Variants in SDCCAG8 observed in about 807,000 individuals in gnomAD.
SDCCAG8 encodes serologically defined colon cancer antigen 8.
A neutral mutation model predicts 101.8 loss-of-function variants in SDCCAG8; 74 were observed. The ratio of observed to expected loss-of-function variants is 0.73; its 90% CI spans 0.60 to 0.88. The LOEUF (loss-of-function observed/expected upper bound fraction) is 0.88. Ranked by LOEUF, SDCCAG8 falls within the 40% of genes least tolerant of loss-of-function variation. The probability of loss-of-function intolerance (pLI) is 0.00; values close to 1 mark genes in which losing one functional copy is unlikely to be tolerated. For missense variants in SDCCAG8, 787 were observed against 822.6 expected, an observed-to-expected ratio of 0.96 and a Z score of 0.53; for synonymous variants, 281 against 292.9, an observed-to-expected ratio of 0.96 and a Z score of 0.41.
intron 13 of SDCCAG8, among the ~76,000 whole-genome samples, chr1:243,390,037 T>A (rs1378266588): frequency 6.6e-6 from 1 of 152,204 alleles, no homozygotes; most frequent in Non-Finnish European, 1.5e-5. Context: ...GGGGAACTCA[T>A]CTTAAGATAA....
intron 16 of SDCCAG8, among the ~76,000 whole-genome samples, chr1:243,485,056 A>AAGAG (rs10650429): frequency 7.1e-6 from 1 of 140,504 alleles, no homozygotes. Context: ...AAAAAAAAAA[A>AAGAG]GAAGAAGAAG....
chr1:243,443,536 A>T (rs937224277), intron 16 of SDCCAG8, among the ~76,000 whole-genome samples: 1 of 152,196 alleles, frequency 6.6e-6, no homozygotes, highest in Non-Finnish European at 1.5e-5. Flanking sequence ...CCCAGCAGGT[A>T]ACCTCGCAAG....
chr1:243,486,422 A>C (rs974744385), intron 16 of SDCCAG8, among the ~76,000 whole-genome samples: 2 of 152,034 alleles, frequency 1.3e-5, no homozygotes, highest in African/African-American at 4.8e-5. Context: ...TGTGGGGCTC[A>C]CACCCAGGCA....
chr1:243,462,165 G>A (rs970526519), intron 16 of SDCCAG8, among the ~76,000 whole-genome samples: 4 of 152,182 alleles, frequency 2.6e-5, no homozygotes, highest in African/African-American at 4.8e-5. Context: ...AGGCCAGGCC[G>A]AGGATTGAGC....
intron 16 of SDCCAG8, among the ~76,000 whole-genome samples, chr1:243,477,942 A>G (rs1340280617): frequency 1.3e-5 from 2 of 152,268 alleles, no homozygotes. Context: ...AGAAATTTTC[A>G]AAACAATCAA....
intron 1 of SDCCAG8, among the ~76,000 whole-genome samples, chr1:243,263,876 G>A (rs1470224777): frequency 6.6e-6 from 1 of 152,206 alleles, no homozygotes; most frequent in Non-Finnish European, 1.5e-5. Flanking sequence ...TATCTTGGTA[G>A]TGTTACCTGT....
intron 16 of SDCCAG8, among the ~76,000 whole-genome samples, chr1:243,467,472 A>T (rs1430268794): frequency 6.6e-6 from 1 of 152,204 alleles, no homozygotes; most frequent in African/African-American, 2.4e-5. Context: ...ACAAGAGGAG[A>T]GTTCACAAGA....
intron 16 of SDCCAG8, among the ~76,000 whole-genome samples, chr1:243,428,631 A>G (rs960893446): frequency 6.6e-6 from 1 of 152,238 alleles, no homozygotes; most frequent in Non-Finnish European, 1.5e-5. Context: ...ATCTGTAGAT[A>G]CTGGTCTTTA....
chr1:243,268,742 T>C (rs2067836378), intron 1 of SDCCAG8, among the ~76,000 whole-genome samples: 1 of 152,216 alleles, frequency 6.6e-6, no homozygotes, highest in Non-Finnish European at 1.5e-5. Context: ...TTGAAATCAG[T>C]GCACTTGGAC....
intron 2 of SDCCAG8, among the ~76,000 whole-genome samples, chr1:243,270,477 C>T (rs2067995946): frequency 6.6e-6 from 1 of 152,184 alleles, no homozygotes; most frequent in Non-Finnish European, 1.5e-5. Flanking sequence ...CAGTGTTTTC[C>T]TAAGATAGCT....
chr1:243,258,387 A>C (rs571681059), intron 1 of SDCCAG8, among the ~76,000 whole-genome samples: 1 of 152,264 alleles, frequency 6.6e-6, no homozygotes, highest in Non-Finnish European at 1.5e-5. Flanking sequence ...CACAAATATA[A>C]ATTGCTATTT....
chr1:243,381,936 G>A (rs1330199474), intron 13 of SDCCAG8, among the ~76,000 whole-genome samples: 1 of 152,216 alleles, frequency 6.6e-6, no homozygotes, highest in Non-Finnish European at 1.5e-5. Context: ...AAAGCTGACA[G>A]TGAAAAGGGA....
intron 13 of SDCCAG8, among the ~76,000 whole-genome samples, chr1:243,402,503 G>C (rs2079474970): frequency 6.6e-6 from 1 of 151,368 alleles, no homozygotes; most frequent in Non-Finnish European, 1.5e-5. Context: ...TTCAACATGT[G>C]ATTTATATAA....
At chr1:243,294,639 C>G (rs1165552137) in intron 6 of SDCCAG8, among the ~76,000 whole-genome samples, 2 of 145,386 alleles carry the variant, frequency 1.4e-5, no homozygotes, top group African/African-American at 5.1e-5. Context: ...AGCTTACAGT[C>G]TTCTCAGGAT....
At chr1:243,418,193 G>C in intron 15 of SDCCAG8, 117 bp downstream of exon 15, 1 of 723,320 alleles carries the variant, frequency 1.4e-6, no homozygotes, top group African/African-American at 1.8e-5. Context: ...GGTATCTGCT[G>C]ATGTTTTCTT....
intron 10 of SDCCAG8, among the ~76,000 whole-genome samples, chr1:243,337,936 T>C (rs2075123922): frequency 6.6e-6 from 1 of 152,166 alleles, no homozygotes; most frequent in African/African-American, 2.4e-5. Flanking sequence ...TTAATTATTA[T>C]TAGAGACAGG....
intron 16 of SDCCAG8, among the ~76,000 whole-genome samples, chr1:243,460,913 G>A (rs556262716): frequency 1.8e-4 from 27 of 152,318 alleles, no homozygotes; most frequent in South Asian, 1.2e-3. Context: ...AGGCACTGAC[G>A]CTTGTATCTT....
chr1:243,324,003 TC>T (rs1383018135), intron 9 of SDCCAG8, among the ~76,000 whole-genome samples: 7 of 152,136 alleles, frequency 4.6e-5, no homozygotes, highest in African/African-American at 1.7e-4. Flanking sequence ...CCAGCCCTCC[TC>T]CCATGTTGCC....
intron 12 of SDCCAG8, among the ~76,000 whole-genome samples, chr1:243,362,805 C>A (rs2076793375): frequency 6.6e-6 from 1 of 152,172 alleles, no homozygotes; most frequent in Admixed American, 6.5e-5. Context: ...AATCTAGCAT[C>A]AGAGCCAACT....
Sources: allele counts gnomAD v4.1 joint callset (sites outside exome capture counted in the v4.1 genomes callset), GRCh38; gene constraint gnomAD v4.1.1; transcripts MANE v1.5; gene names NCBI Gene and HGNC (gene_info 2026-07-23, HGNC 2026-07-21).